Variants in PDK1 observed in about 807,000 individuals in gnomAD.
PDK1 encodes the protein [Pyruvate dehydrogenase (acetyl-transferring)] kinase isozyme 1, mitochondrial.
Under a neutral mutation model 54.2 loss-of-function variants are expected in PDK1, and 39 were observed. That is an observed-to-expected ratio of 0.72 (90% CI 0.56 to 0.94). The LOEUF is 0.94. Among genes scored for constraint, PDK1 ranks in the 40% least tolerant of loss-of-function variants. The probability of loss-of-function intolerance (pLI) is 0.00; values close to 1 mark genes in which losing one functional copy is unlikely to be tolerated. For missense variants in PDK1, 552 were observed against 566.0 expected (o/e 0.98, Z 0.25); for synonymous variants, 221 against 207.1 (o/e 1.07, Z -0.58).
chr2:172,657,593 T>C, the PDK1 span, among the ~76,000 whole-genome samples: 1 of 152,040 alleles, frequency 6.6e-6, no homozygotes, highest in African/African-American at 2.4e-5. Flanking sequence ...CCCCAAAATA[T>C]CTTGCTCTGG....
chr2:172,614,840 A>G, the PDK1 span, among the ~76,000 whole-genome samples: 6 of 152,234 alleles, frequency 3.9e-5, no homozygotes, highest in Non-Finnish European at 7.3e-5. Flanking sequence ...ACAATAATCT[A>G]TTTCTAATTC....
chr2:172,717,438 G>A, the PDK1 span, among the ~76,000 whole-genome samples: 1 of 152,220 alleles, frequency 6.6e-6, no homozygotes, highest in Non-Finnish European at 1.5e-5. Context: ...GTAATTGGTT[G>A]TGTAATAACA....
intron 1 of PDK1, 89 bp from the exon 2 acceptor site, chr2:172,558,619 G>A: frequency 1.7e-6 from 2 of 1,206,792 alleles, no homozygotes. Flanking sequence ...GGCCTTGCCG[G>A]ATAACTTCCT....
At chr2:172,561,232 C>T (rs922963033) in intron 2 of PDK1, among the ~76,000 whole-genome samples, 4 of 152,160 alleles carry the variant, frequency 2.6e-5, no homozygotes, top group African/African-American at 4.8e-5. Context: ...GAGGTCTGAT[C>T]GGTGCCTGTT....
rs762398194 is a variant in PDK1, at chr2:172,579,784, G to T, written c.946-6494G>T. ...GGTGTGGGCCTTTTCTTACTTACTG[G>T]GCTGTGGTCTTTGAACTTCCCATTA... On this transcript the variant is annotated intron_variant, in intron 8 of 10. Coordinates refer to ENST00000282077, the MANE Select transcript of PDK1 (RefSeq NM_002610.5). Among the ~76,000 whole-genome samples the T allele has an allele frequency of 2.1e-4, 31 of 150,754 alleles. 1 individual carries two copies. The highest frequency in any genetic ancestry group is 4.4e-5 in the Non-Finnish European group (3 of 67,756).
chr2:172,695,760 A>G, the PDK1 span, among the ~76,000 whole-genome samples: 6 of 152,196 alleles, frequency 3.9e-5, no homozygotes, highest in Non-Finnish European at 2.9e-5. Context: ...TCTAGGAATG[A>G]CAGGGGGCTC....
At chr2:172,722,251 G>A in the PDK1 span, among the ~76,000 whole-genome samples, 1 of 152,226 alleles carries the variant, frequency 6.6e-6, no homozygotes, top group South Asian at 2.1e-4. Flanking sequence ...AGTCAACTTG[G>A]ATTATTTCAT....
chr2:172,641,535 G>A, the PDK1 span, among the ~76,000 whole-genome samples: 10 of 150,890 alleles, frequency 6.6e-5, no homozygotes, highest in East Asian at 2.0e-4. Flanking sequence ...TCTGCCTCCC[G>A]GGTTCACACT....
chr2:172,668,408 C>G, the PDK1 span, among the ~76,000 whole-genome samples: 1 of 151,876 alleles, frequency 6.6e-6, no homozygotes, highest in Admixed American at 6.6e-5. Context: ...GATCTGTGAA[C>G]CATAAATCTT....
the PDK1 span, among the ~76,000 whole-genome samples, chr2:172,697,361 C>A: frequency 5.3e-5 from 8 of 152,118 alleles, no homozygotes; most frequent in Non-Finnish European, 1.0e-4. Flanking sequence ...GGTAAAGTAT[C>A]CAGATATGTT....
At chr2:172,556,467 C>T (rs1043252282) in intron 1 of PDK1, 121 bp downstream of exon 1, 15 of 640,956 alleles carry the variant, frequency 2.3e-5, no homozygotes, top group Non-Finnish European at 3.0e-5. Flanking sequence ...TCCTCCTCAG[C>T]GTTTCCGCCC....
At chr2:172,631,229 T>C in the PDK1 span, among the ~76,000 whole-genome samples, 1 of 152,270 alleles carries the variant, frequency 6.6e-6, no homozygotes, top group Non-Finnish European at 1.5e-5. Context: ...TTCTATTCTT[T>C]TCTATTTCAT....
At chr2:172,622,114 GAT>G in the PDK1 span, among the ~76,000 whole-genome samples, 12 of 124,686 alleles carry the variant, frequency 9.6e-5, no homozygotes, top group East Asian at 4.2e-4. Context: ...TATTATGTGA[GAT>G]ATGTTTATAT....
chr2:172,620,910 C>T, the PDK1 span, among the ~76,000 whole-genome samples: 2,813 of 152,176 alleles, frequency 0.018, 80 homozygotes, highest in African/African-American at 0.063. Flanking sequence ...ACTACCGAGT[C>T]TAGTTACTTC....
At chr2:172,618,671 C>G in the PDK1 span, among the ~76,000 whole-genome samples, 1 of 152,042 alleles carries the variant, frequency 6.6e-6, no homozygotes, top group Middle Eastern at 3.2e-3. Context: ...TGATGAATTC[C>G]CTGGCAACAA....
the PDK1 span, among the ~76,000 whole-genome samples, chr2:172,706,543 A>C: frequency 1.3e-5 from 2 of 151,540 alleles, no homozygotes; most frequent in Non-Finnish European, 2.9e-5. Context: ...CTCCCACTTC[A>C]GTATGCAGAG....
chr2:172,585,122 A>G (rs1201174377), intron 8 of PDK1, among the ~76,000 whole-genome samples: 2 of 151,814 alleles, frequency 1.3e-5, no homozygotes, highest in African/African-American at 4.8e-5. Context: ...TCAGCCTCCC[A>G]AGTAGCTGGG....
At position 172,564,563 on chromosome 2, in the gene PDK1, C is replaced by T; in HGVS notation, c.471C>T (p.Ala157=). 1 of 1,613,866 alleles carries T rather than the reference C, an allele frequency of 6.2e-7. No individual in the cohort carries two copies. The highest frequency in any genetic ancestry group is 8.5e-7 in the Non-Finnish European group (1 of 1,179,832). The change falls in exon 4 of 11, where the codon GCC becomes GCT. Residue 157 remains alanine, a synonymous_variant. Coordinates refer to ENST00000282077, the MANE Select transcript of PDK1 (RefSeq NM_002610.5). ...NRHNDVIPTM[A]QGVIEYKESF... The stretch of plus-strand genomic sequence containing the variant: ...ACAATGATGTCATTCCCACAATGGC[C>T]CAGGGTGTGATTGAATACAAGGAGA...
At chr2:172,561,624 C>T (rs907454413) in intron 2 of PDK1, among the ~76,000 whole-genome samples, 2 of 152,200 alleles carry the variant, frequency 1.3e-5, no homozygotes, top group African/African-American at 4.8e-5. Context: ...TTTGCTCATT[C>T]CTTAACAGAT....
Sources: gnomAD v4.1 joint callset for allele counts (sites outside exome capture counted in the v4.1 genomes callset) on GRCh38, gnomAD v4.1.1 for gene constraint, MANE v1.5 for transcripts, NCBI Gene and HGNC (gene_info 2026-07-23, HGNC 2026-07-21) for gene names.